The following COMMD1 variants were observed in gnomAD, a reference collection of about 807,000 sequenced individuals.
The protein encoded by COMMD1 is COMM domain-containing protein 1.
In COMMD1, 10 loss-of-function variants were observed where a neutral mutation model predicts 17.2. The observed-to-expected ratio is 0.58, with a 90% CI of 0.36 to 0.99. The LOEUF is 0.99. Among genes scored for constraint, COMMD1 ranks in the 50% least tolerant of loss-of-function variants. The pLI is 0.01. For missense variants in COMMD1, 270 were observed against 231.8 expected (o/e 1.17, Z -1.07); for synonymous variants, 97 against 91.6 (o/e 1.06, Z -0.34).
intron 1 of COMMD1, among the ~76,000 whole-genome samples, chr2:61,935,208 T>C (rs1670573109): frequency 6.6e-6 from 1 of 152,106 alleles, no homozygotes; most frequent in Non-Finnish European, 1.5e-5. Context: ...TTGGAAACAT[T>C]AATTACCGAC....
At chr2:62,127,729 G>A (rs1007000529) in intron 2 of COMMD1, among the ~76,000 whole-genome samples, 57 of 152,208 alleles carry the variant, frequency 3.7e-4, no homozygotes, top group African/African-American at 1.4e-3. Flanking sequence ...ATTAACTCAA[G>A]ATGAGGCCAG....
At chr2:62,055,078 C>A (rs1017566575) in intron 2 of COMMD1, among the ~76,000 whole-genome samples, 1 of 152,176 alleles carries the variant, frequency 6.6e-6, no homozygotes, top group Non-Finnish European at 1.5e-5. Flanking sequence ...TGCTTGCATA[C>A]TCATATCAAA....
chr2:62,072,258 G>C (rs993840838), intron 2 of COMMD1, among the ~76,000 whole-genome samples: 1 of 152,064 alleles, frequency 6.6e-6, no homozygotes, highest in East Asian at 1.9e-4. Flanking sequence ...TGAAAACCAA[G>C]CTGCCAGTTC....
intron 1 of COMMD1, among the ~76,000 whole-genome samples, chr2:61,987,440 A>G (rs573232119): frequency 6.6e-6 from 1 of 152,324 alleles, no homozygotes; most frequent in East Asian, 1.9e-4. Flanking sequence ...GCAGACTTGT[A>G]GAGGTACCAC....
At chr2:62,066,732 T>C (rs1671055873) in intron 2 of COMMD1, among the ~76,000 whole-genome samples, 1 of 149,046 alleles carries the variant, frequency 6.7e-6, no homozygotes, top group African/African-American at 2.5e-5. Context: ...TAGATTTTTT[T>C]TTTTGGTTTT....
rs189022071 is a variant in COMMD1 at position 62,066,935 on chromosome 2, A to C, written c.462+65953A>C. ...GAGACAGGGTTTCACCATGTTGGCCAGGCTGATCACAAACTCCTGGTCTCA... is the reference window on the plus strand; with the variant it reads ...GAGACAGGGTTTCACCATGTTGGCCCGGCTGATCACAAACTCCTGGTCTCA... On this transcript the variant is annotated intron_variant, in intron 2 of 2. Transcript: ENST00000311832. Among the ~76,000 whole-genome samples the C allele has an allele frequency of 7.0e-3, 1,058 of 150,516 alleles. 11 individuals carry two copies. The highest frequency in any genetic ancestry group is 0.024 in the African/African-American group (994 of 40,926).
At chr2:61,948,732 G>A (rs539861944) in intron 1 of COMMD1, among the ~76,000 whole-genome samples, 25 of 152,314 alleles carry the variant, frequency 1.6e-4, no homozygotes, top group Middle Eastern at 6.8e-3. Context: ...TTGCAGAGGA[G>A]ACTTTTAAGA....
At chr2:61,974,639 T>TC (rs1160185729) in intron 1 of COMMD1, among the ~76,000 whole-genome samples, 3 of 139,234 alleles carry the variant, frequency 2.2e-5, no homozygotes, top group Non-Finnish European at 4.5e-5. Context: ...GCCACTGCAC[T>TC]CCAGCCTGGG....
At chr2:61,973,655 G>A (rs1005220396) in intron 1 of COMMD1, among the ~76,000 whole-genome samples, 1 of 151,964 alleles carries the variant, frequency 6.6e-6, no homozygotes, top group Non-Finnish European at 1.5e-5. Context: ...TTGCATGTCA[G>A]TAGTATGTCA....
chr2:61,976,590 G>T (rs1187684742), intron 1 of COMMD1, among the ~76,000 whole-genome samples: 1 of 152,156 alleles, frequency 6.6e-6, no homozygotes, highest in Non-Finnish European at 1.5e-5. Flanking sequence ...ACTCCTATCA[G>T]TAATGGACAA....
intron 1 of COMMD1, among the ~76,000 whole-genome samples, chr2:61,924,310 G>A (rs1372968577): frequency 2.6e-5 from 4 of 151,892 alleles, no homozygotes; most frequent in Non-Finnish European, 4.4e-5. Context: ...AAGCAAGGGA[G>A]TGGGCTGCTG....
intron 2 of COMMD1, among the ~76,000 whole-genome samples, chr2:62,034,080 C>A (rs1352321765): frequency 7.4e-6 from 1 of 135,680 alleles, no homozygotes; most frequent in African/African-American, 3.0e-5. Context: ...CAGAGCAAGA[C>A]CCTGTCTCAA....
At chr2:62,116,996 CAAAAAAAAA>C (rs11350513) in intron 2 of COMMD1, among the ~76,000 whole-genome samples, 3 of 100,888 alleles carry the variant, frequency 3.0e-5, no homozygotes, top group South Asian at 3.7e-4. Context: ...AACTTCGTCT[CAAAAAAAAA>C]AAAAAAAAAA....
At chr2:61,964,787 C>G (rs1030836048) in intron 1 of COMMD1, among the ~76,000 whole-genome samples, 1 of 152,186 alleles carries the variant, frequency 6.6e-6, no homozygotes, top group Non-Finnish European at 1.5e-5. Context: ...GCAGGAGAAT[C>G]GCTTGAACCT....
At chr2:61,939,467 G>GA (rs1045703575) in intron 1 of COMMD1, among the ~76,000 whole-genome samples, 4 of 143,086 alleles carry the variant, frequency 2.8e-5, no homozygotes, top group Non-Finnish European at 4.6e-5. Flanking sequence ...CTCCGTCTCA[G>GA]AAAAAAAAGA....
intron 1 of COMMD1, among the ~76,000 whole-genome samples, chr2:61,967,931 C>G (rs2103714123): frequency 6.6e-6 from 1 of 152,290 alleles, no homozygotes; most frequent in Non-Finnish European, 1.5e-5. Flanking sequence ...AAGGCCAAGG[C>G]TGGCAGATCA....
rs1056684858 is a variant in COMMD1, at chr2:62,014,626, A to G, written c.462+13644A>G. Among the ~76,000 whole-genome samples, 6 of 118,892 alleles carry G rather than the reference A, an allele frequency of 5.0e-5. No individual in the cohort carries two copies. The East Asian group carries it at 1.4e-3, about 28-fold the overall frequency. The allele number at this position is 118,892 out of a possible 152,430, so 78.0% of individuals were successfully genotyped here. A position where few individuals can be genotyped will look rare whatever the true frequency, so the allele number is the denominator to read the frequency against. ...ACCCAGGCTGGAATGCAGTGGTGCA[A>G]TCTTGGCTCACTGCAACCTCTACCT... On this transcript the variant is annotated intron_variant, in intron 2 of 2. Coordinates refer to ENST00000311832, the MANE Select transcript of COMMD1 (RefSeq NM_152516.4).
chr2:62,121,467 G>C (rs1314758362), intron 2 of COMMD1, among the ~76,000 whole-genome samples: 1 of 150,260 alleles, frequency 6.7e-6, no homozygotes, highest in Non-Finnish European at 1.5e-5. Context: ...GACTGGGCGT[G>C]TTGCCTCATA....
chr2:61,896,725 C>T (rs1669555113), intron 1 of COMMD1, among the ~76,000 whole-genome samples: 1 of 151,888 alleles, frequency 6.6e-6, no homozygotes, highest in Non-Finnish European at 1.5e-5. Context: ...TAAAAAACAG[C>T]AGATGCATAA....
Sources: allele counts gnomAD v4.1 joint callset (sites outside exome capture counted in the v4.1 genomes callset), GRCh38; gene constraint gnomAD v4.1.1; transcripts MANE v1.5; gene names NCBI Gene and HGNC (gene_info 2026-07-23, HGNC 2026-07-21).